The following PLCB1 variants were observed in gnomAD, a reference collection of about 807,000 sequenced individuals.
PLCB1 encodes the protein 1-phosphatidylinositol 4,5-bisphosphate phosphodiesterase beta-1.
Under a neutral mutation model 161.8 loss-of-function variants are expected in PLCB1, and 46 were observed. That is an observed-to-expected ratio of 0.28 (90% CI 0.22 to 0.36). The LOEUF (loss-of-function observed/expected upper bound fraction) is 0.36, where lower values mean the gene tolerates loss of function less well. Among genes scored for constraint, PLCB1 ranks in the 10% least tolerant of loss-of-function variants. PLCB1 has a pLI of 1.00. For synonymous variants in PLCB1, 517 were observed against 503.7 expected, an observed-to-expected ratio of 1.03 and a Z score of -0.35; for missense variants, 1,016 against 1,472.5, an observed-to-expected ratio of 0.69 and a Z score of 5.07.
intron 16 of PLCB1, 117 bp from the exon 17 acceptor site, chr20:8,727,191 GA>G: frequency 1.8e-6 from 1 of 543,946 alleles, no homozygotes; most frequent in South Asian, 2.7e-5. Flanking sequence ...TTACATTGAG[GA>G]TTATTTGCCC....
At chr20:8,471,401 G>C (rs6055842) in intron 3 of PLCB1, among the ~76,000 whole-genome samples, 1 of 152,140 alleles carries the variant, frequency 6.6e-6, no homozygotes, top group Non-Finnish European at 1.5e-5. Flanking sequence ...ATTGCTTTAA[G>C]GATGTTAATT....
At chr20:8,880,219 C>G (rs1987924743) in intron 31 of PLCB1, among the ~76,000 whole-genome samples, 1 of 152,136 alleles carries the variant, frequency 6.6e-6, no homozygotes, top group African/African-American at 2.4e-5. Context: ...CCCTGCTCAC[C>G]AATTGATAAG....
In PLCB1 at chr20:8,602,956, T is replaced by A. The variant is rs116054722; in HGVS notation, c.247-25338T>A. On this transcript the variant is annotated intron_variant, in intron 3 of 31. Transcript: ENST00000338037. ...GAAGCCCAGCATTTTGTCTGTCTAG[T>A]TTTTTTGTCCTTAGCATTGCTTACT... 5.1e-3 allele frequency among the ~76,000 whole-genome samples: 782 copies of A among 152,320 alleles called. 9 individuals carry two copies. The highest frequency in any genetic ancestry group is 0.016 in the African/African-American group (646 of 41,564).
At chr20:8,794,644 T>A (rs1983929620) in intron 31 of PLCB1, among the ~76,000 whole-genome samples, 1 of 152,242 alleles carries the variant, frequency 6.6e-6, no homozygotes, top group African/African-American at 2.4e-5. Flanking sequence ...TGTAATAGTG[T>A]GTTTCATGTT....
intron 2 of PLCB1, among the ~76,000 whole-genome samples, chr20:8,350,238 G>T (rs181754570): frequency 6.6e-6 from 1 of 152,022 alleles, no homozygotes; most frequent in East Asian, 1.9e-4. Context: ...GCTCTCCCTC[G>T]CCTGACCCCC....
Position 8,774,626 on chromosome 20 carries a change from A to T in PLCB1, c.3018A>T (p.Ile1006=). 1 of 1,614,052 alleles carries T rather than the reference A, an allele frequency of 6.2e-7. No homozygotes were observed. Among genetic ancestry groups the T allele is most frequent in the Non-Finnish European group, 8.5e-7 (1 of 1,179,912 alleles). Reference sequence around the variant, plus strand: ...ATGCTGAAATGACCCAAAAGTTAATAGACTTGAAGGACAAACAACAGCAGC... The same window carrying T: ...ATGCTGAAATGACCCAAAAGTTAATTGACTTGAAGGACAAACAACAGCAGC... ...ALDAEMTQKL[I]DLKDKQQQQL... is the part of the protein sequence containing the mutation. Residue 1006 remains isoleucine, a synonymous_variant, in exon 27 of 32, where the codon ATA becomes ATT. Transcript: ENST00000338037.
intron 2 of PLCB1, among the ~76,000 whole-genome samples, chr20:8,263,798 CACTT>C (rs747449853): frequency 1.3e-5 from 2 of 152,074 alleles, no homozygotes; most frequent in South Asian, 4.1e-4. Context: ...CTGTATAAAA[CACTT>C]ACCATGAATG....
At position 8,639,811 on chromosome 20, in the gene PLCB1, G is replaced by A. The variant is rs142816843; in HGVS notation, c.385-6291G>A. On this transcript the variant is annotated intron_variant, in intron 4 of 31. Transcript: ENST00000338037. The stretch of plus-strand genomic sequence containing the variant: ...AATAAATTATAACCATGATAAGCTA[G>A]AACAAGGATCTGCAATATGAAAGTC... Among the ~76,000 whole-genome samples, 601 of 150,952 alleles carry A rather than the reference G, an allele frequency of 4.0e-3. 4 individuals are homozygous for A. The highest frequency in any genetic ancestry group is 6.1e-3 in the Non-Finnish European group (417 of 67,828).
At chr20:8,721,971 A>G (rs1979661765) in intron 14 of PLCB1, among the ~76,000 whole-genome samples, 1 of 152,184 alleles carries the variant, frequency 6.6e-6, no homozygotes. Context: ...TTTCGGGGTC[A>G]TAGAGACCCT....
intron 16 of PLCB1, among the ~76,000 whole-genome samples, chr20:8,725,541 A>G (rs890569971): frequency 6.6e-6 from 1 of 152,160 alleles, no homozygotes; most frequent in Admixed American, 6.6e-5. Flanking sequence ...TTATATTTGT[A>G]TAATCTTACA....
intron 3 of PLCB1, among the ~76,000 whole-genome samples, chr20:8,556,704 TG>T: frequency 2.1e-5 from 3 of 142,948 alleles, no homozygotes; most frequent in African/African-American, 7.8e-5. Context: ...TGTGTGTGTT[TG>T]CTCTAGGCAT....
At chr20:8,678,737 C>T (rs554810787) in intron 9 of PLCB1, among the ~76,000 whole-genome samples, 3 of 152,298 alleles carry the variant, frequency 2.0e-5, no homozygotes, top group Admixed American at 6.5e-5. Flanking sequence ...CGGCAATCAA[C>T]GCTGACTGAT....
chr20:8,555,981 A>AT (rs5840271), intron 3 of PLCB1, among the ~76,000 whole-genome samples: 90,524 of 151,676 alleles, frequency 0.6, 27,875 homozygotes, highest in African/African-American at 0.71. Flanking sequence ...GTCAGAAATG[A>AT]TTTTTTTTAA....
chr20:8,516,109 C>A (rs918772365), intron 3 of PLCB1, among the ~76,000 whole-genome samples: 3 of 152,146 alleles, frequency 2.0e-5, no homozygotes, highest in African/African-American at 4.8e-5. Context: ...GACCCTCCCC[C>A]CTGATTCAGT....
intron 3 of PLCB1, among the ~76,000 whole-genome samples, chr20:8,563,460 G>A (rs1986214707): frequency 6.6e-6 from 1 of 152,022 alleles, no homozygotes; most frequent in South Asian, 2.1e-4. Context: ...AGGAAGCCAG[G>A]AGGTGAAGGC....
chr20:8,591,763 C>T (rs2123110612), intron 3 of PLCB1, among the ~76,000 whole-genome samples: 1 of 152,268 alleles, frequency 6.6e-6, no homozygotes, highest in East Asian at 1.9e-4. Context: ...CTTCCAGGGA[C>T]AGATATCAGT....
intron 2 of PLCB1, among the ~76,000 whole-genome samples, chr20:8,367,786 T>G (rs1206411402): frequency 1.3e-5 from 2 of 152,220 alleles, no homozygotes; most frequent in Non-Finnish European, 2.9e-5. Context: ...AGAAAAAGTT[T>G]TAATGATACA....
rs569463014 is a variant in PLCB1 at position 8,727,942 on chromosome 20, T to C, written c.1763+549T>C. Among the ~76,000 whole-genome samples, 9 of 152,174 alleles carry C rather than the reference T, an allele frequency of 5.9e-5. No individual in the cohort carries two copies. In the East Asian group the frequency reaches 1.7e-3, roughly 29 times the overall value. ...AAAATTTTTGCTACTATCCATGAAC[T>C]AAAATAAAGTGAAACAGGCTATTAA... On this transcript the variant is annotated intron_variant, in intron 17 of 31. Transcript: ENST00000338037.
intron 2 of PLCB1, among the ~76,000 whole-genome samples, chr20:8,165,995 T>C (rs2423344): frequency 0.94 from 143,223 of 152,216 alleles, 67,410 homozygotes; most frequent in African/African-American, 0.99. Context: ...AATGATTTCA[T>C]ACTAAAATTG....
Sources: allele counts gnomAD v4.1 joint callset (sites outside exome capture counted in the v4.1 genomes callset), GRCh38; gene constraint gnomAD v4.1.1; transcripts MANE v1.5; gene names NCBI Gene and HGNC (gene_info 2026-07-23, HGNC 2026-07-21).